The following LURAP1L variants were observed in gnomAD, a reference collection of about 807,000 sequenced individuals.
The protein encoded by LURAP1L is leucine rich adaptor protein 1-like.
In LURAP1L, 12 loss-of-function variants were observed where a neutral mutation model predicts 13.8. That is an observed-to-expected ratio of 0.87 (90% CI 0.56 to 1.41). LURAP1L has a LOEUF of 1.41. Among genes scored for constraint, LURAP1L ranks in the 40% most tolerant of loss-of-function variants. The probability of loss-of-function intolerance (pLI) is 0.00; values close to 1 mark genes in which losing one functional copy is unlikely to be tolerated. For synonymous variants in LURAP1L, 139 were observed against 119.2 expected, an observed-to-expected ratio of 1.17 and a Z score of -1.08; for missense variants, 375 against 292.9, an observed-to-expected ratio of 1.28 and a Z score of -2.04.
At chr9:12,800,667 G>C (rs1239966371) in intron 1 of LURAP1L, among the ~76,000 whole-genome samples, 3 of 152,024 alleles carry the variant, frequency 2.0e-5, no homozygotes. Context: ...CAATAGAAAA[G>C]AAATAATGTC....
chr9:12,784,334 T>A (rs1372876278), intron 1 of LURAP1L, among the ~76,000 whole-genome samples: 1 of 152,192 alleles, frequency 6.6e-6, no homozygotes, highest in Non-Finnish European at 1.5e-5. Flanking sequence ...GTACCTGCCC[T>A]TCTTGGGAAG....
At chr9:12,779,614 T>G (rs1819242165) in intron 1 of LURAP1L, among the ~76,000 whole-genome samples, 1 of 152,120 alleles carries the variant, frequency 6.6e-6, no homozygotes, top group Non-Finnish European at 1.5e-5. Flanking sequence ...CACCATAATC[T>G]TATAGACAAA....
At chr9:12,812,412 T>G (rs1764206783) in intron 1 of LURAP1L, among the ~76,000 whole-genome samples, 1 of 152,230 alleles carries the variant, frequency 6.6e-6, no homozygotes, top group Non-Finnish European at 1.5e-5. Flanking sequence ...CATTTTATTC[T>G]GTTGCAGAGA....
intron 1 of LURAP1L, among the ~76,000 whole-genome samples, chr9:12,779,049 T>C (rs1430398023): frequency 1.3e-4 from 20 of 152,128 alleles, no homozygotes; most frequent in Admixed American, 1.2e-3. Flanking sequence ...AAACAGTGTA[T>C]TGCTATGTGA....
At chr9:12,809,848 A>T (rs906902508) in intron 1 of LURAP1L, among the ~76,000 whole-genome samples, 1 of 152,166 alleles carries the variant, frequency 6.6e-6, no homozygotes, top group Non-Finnish European at 1.5e-5. Context: ...TGTCTACTCT[A>T]TTGTCTTTGG....
At chr9:12,783,308 T>G (rs1211391112) in intron 1 of LURAP1L, among the ~76,000 whole-genome samples, 1 of 152,160 alleles carries the variant, frequency 6.6e-6, no homozygotes, top group African/African-American at 2.4e-5. Flanking sequence ...AGCCTTTCAG[T>G]TTTCCCTCTT....
At chr9:12,776,791 G>A (rs1819191915) in intron 1 of LURAP1L, among the ~76,000 whole-genome samples, 1 of 152,052 alleles carries the variant, frequency 6.6e-6, no homozygotes, top group African/African-American at 2.4e-5. Context: ...ACGTTTGCCT[G>A]AGCATAGGAC....
intron 1 of LURAP1L, among the ~76,000 whole-genome samples, 183 bp from the exon 2 acceptor site, chr9:12,821,203 T>G (rs946831989): frequency 1.3e-5 from 2 of 151,300 alleles, no homozygotes; most frequent in Admixed American, 6.6e-5. Context: ...AGGAAGTGAG[T>G]TTTTTTTATT....
At position 12,792,498 on chromosome 9, in the gene LURAP1L, T is replaced by C. The variant is rs568137794; in HGVS notation, c.312+16471T>C. The stretch of plus-strand genomic sequence containing the variant: ...AATAATGAATGTAACATTTGCAGCA[T>C]ACATTTAAATACAATATTTGCAGCA... On this transcript the variant is annotated intron_variant, in intron 1 of 1. Coordinates refer to ENST00000319264, the MANE Select transcript of LURAP1L (RefSeq NM_203403.2). 2.0e-3 allele frequency among the ~76,000 whole-genome samples: 310 copies of C among 152,262 alleles called. 2 individuals carry two copies. The highest frequency in any genetic ancestry group is 3.6e-3 in the Non-Finnish European group (244 of 67,978).
intron 1 of LURAP1L, among the ~76,000 whole-genome samples, chr9:12,815,696 G>A (rs1428476097): frequency 2.0e-5 from 3 of 152,120 alleles, no homozygotes; most frequent in Non-Finnish European, 4.4e-5. Context: ...CAATAATGGA[G>A]GAGGGCTTTA....
intron 1 of LURAP1L, among the ~76,000 whole-genome samples, chr9:12,815,544 C>T (rs1819793727): frequency 6.6e-6 from 1 of 152,102 alleles, no homozygotes; most frequent in Non-Finnish European, 1.5e-5. Flanking sequence ...CAAAGAAGTC[C>T]TTCTTCCTTC....
chr9:12,817,483 G>A (rs890709341), intron 1 of LURAP1L, among the ~76,000 whole-genome samples: 5 of 152,154 alleles, frequency 3.3e-5, no homozygotes, highest in African/African-American at 1.2e-4. Context: ...ATTTCAACTA[G>A]TCATAAATAT....
At chr9:12,778,646 T>C (rs897354157) in intron 1 of LURAP1L, among the ~76,000 whole-genome samples, 1 of 152,216 alleles carries the variant, frequency 6.6e-6, no homozygotes, top group Non-Finnish European at 1.5e-5. Flanking sequence ...AGATACTCTC[T>C]GTAGAGACGA....
intron 1 of LURAP1L, among the ~76,000 whole-genome samples, chr9:12,785,303 C>T (rs538349431): frequency 2.6e-5 from 4 of 152,188 alleles, no homozygotes; most frequent in Admixed American, 6.5e-5. Context: ...GCCAAAACTG[C>T]GAGCTGCACT....
intron 1 of LURAP1L, among the ~76,000 whole-genome samples, chr9:12,792,526 T>C (rs1284567831): frequency 1.3e-5 from 2 of 152,106 alleles, no homozygotes; most frequent in Non-Finnish European, 2.9e-5. Context: ...TTGCAGCATA[T>C]ATTTGCTAGG....
chr9:12,821,189 T>A (rs529188177), intron 1 of LURAP1L, among the ~76,000 whole-genome samples, 197 bp from the exon 2 acceptor site: 2 of 152,194 alleles, frequency 1.3e-5, no homozygotes, highest in African/African-American at 2.4e-5. Context: ...CTGATGCATC[T>A]GGCAGGAAGT....
At chr9:12,794,417 T>A (rs1221166179) in intron 1 of LURAP1L, among the ~76,000 whole-genome samples, 3 of 152,010 alleles carry the variant, frequency 2.0e-5, no homozygotes, top group Non-Finnish European at 4.4e-5. Flanking sequence ...CTTGAAAAAC[T>A]TACCCTCTAC....
intron 1 of LURAP1L, among the ~76,000 whole-genome samples, chr9:12,808,413 T>C (rs1043605860): frequency 6.6e-6 from 1 of 152,132 alleles, no homozygotes; most frequent in Non-Finnish European, 1.5e-5. Context: ...TACATTCACA[T>C]TGTTGTACCA....
intron 1 of LURAP1L, among the ~76,000 whole-genome samples, chr9:12,806,887 C>T (rs1183784878): frequency 6.6e-6 from 1 of 151,238 alleles, no homozygotes; most frequent in East Asian, 1.9e-4. Context: ...CCTCTTTTTG[C>T]CCCTCAGTTA....
Sources: allele counts gnomAD v4.1 joint callset (sites outside exome capture counted in the v4.1 genomes callset), GRCh38; gene constraint gnomAD v4.1.1; transcripts MANE v1.5; gene names NCBI Gene and HGNC (gene_info 2026-07-23, HGNC 2026-07-21).